Variants in SCOC observed in about 807,000 individuals in gnomAD.
SCOC encodes the protein short coiled coil protein.
A neutral mutation model predicts 9.9 loss-of-function variants in SCOC; 7 were observed. That is an observed-to-expected ratio of 0.71 (90% CI 0.40 to 1.33). The LOEUF is 1.33. Ranked by LOEUF, SCOC falls within the 40% of genes most tolerant of loss-of-function variation. The pLI is 0.01. For missense variants in SCOC, 66 were observed against 89.7 expected (o/e 0.74, Z 1.07); for synonymous variants, 19 against 28.2 (o/e 0.67, Z 1.03).
intron 2 of SCOC, chr4:140,366,980 T>C (rs1727830645): frequency 4.5e-6 from 2 of 441,394 alleles, no homozygotes; most frequent in Non-Finnish European, 8.4e-6. Flanking sequence ...CCCAGGTGGG[T>C]GGATCGCTTG....
chr4:140,379,965 T>C (rs1484913290), intron 3 of SCOC, among the ~76,000 whole-genome samples: 1 of 152,186 alleles, frequency 6.6e-6, no homozygotes, highest in African/African-American at 2.4e-5. Flanking sequence ...GTAAAAACAA[T>C]GTATTAGCCT....
At chr4:140,357,792 T>C (rs1158597838) in intron 2 of SCOC, among the ~76,000 whole-genome samples, 1 of 152,212 alleles carries the variant, frequency 6.6e-6, no homozygotes, top group Non-Finnish European at 1.5e-5. Flanking sequence ...TAACCCATCG[T>C]AGTTGGTATT....
rs1324302314 is a variant in SCOC at position 140,382,193 on chromosome 4, C to T, written c.*1089C>T. On this transcript the variant is annotated 3_prime_UTR_variant, in exon 4 of 4. Transcript: ENST00000608372. ...TTATCTTGCTCAGTATTTTATCTCA[C>T]TTGTTCTAGAATTTTCTGTAAACCC... 1.3e-5 allele frequency: 2 copies of T among 152,118 alleles called. No individual in the cohort carries two copies. The highest frequency in any genetic ancestry group is 2.4e-5 in the African/African-American group (1 of 41,436). 9.4% of individuals were successfully genotyped at this position (152,118 alleles called of 1,614,324 possible).
intron 1 of SCOC, among the ~76,000 whole-genome samples, chr4:140,278,569 G>T (rs560946159): frequency 6.6e-6 from 1 of 152,184 alleles, no homozygotes; most frequent in Non-Finnish European, 1.5e-5. Context: ...AAAGTGCTGG[G>T]ATTACAGGTG....
chr4:140,291,580 G>T, intron 1 of SCOC: 2 of 451,412 alleles, frequency 4.4e-6, no homozygotes, highest in South Asian at 3.1e-5. Context: ...GAACAAAAAA[G>T]AATTATAATC....
intron 1 of SCOC, among the ~76,000 whole-genome samples, chr4:140,294,823 T>G (rs1731576974): frequency 6.6e-6 from 1 of 152,230 alleles, no homozygotes; most frequent in Non-Finnish European, 1.5e-5. Flanking sequence ...CCCTTTCTGC[T>G]GACCTGGAAA....
At chr4:140,291,476 A>G (rs1731469674) in intron 1 of SCOC, 1 of 457,216 alleles carries the variant, frequency 2.2e-6, no homozygotes, top group African/African-American at 2.0e-5. Context: ...TCATCATTGT[A>G]ATGGATCCAT....
upstream of SCOC, among the ~76,000 whole-genome samples, chr4:140,338,485 A>G (rs1233921949): frequency 1.3e-5 from 2 of 152,368 alleles, no homozygotes; most frequent in East Asian, 1.9e-4. Context: ...AGGGTATTCA[A>G]TCAGGAAAAG....
intron 2 of SCOC, among the ~76,000 whole-genome samples, chr4:140,352,319 T>G (rs903511591): frequency 6.6e-6 from 1 of 152,232 alleles, no homozygotes. Flanking sequence ...CAAATCTTAA[T>G]TGGCATTTGG....
At chr4:140,322,883 C>T (rs373724123) in intron 1 of SCOC, among the ~76,000 whole-genome samples, 1 of 151,954 alleles carries the variant, frequency 6.6e-6, no homozygotes, top group Non-Finnish European at 1.5e-5. Context: ...AGAGAATGGC[C>T]CCGAAGGCAT....
chr4:140,287,711 G>A (rs1356149432), intron 1 of SCOC, among the ~76,000 whole-genome samples: 1 of 151,820 alleles, frequency 6.6e-6, no homozygotes, highest in Non-Finnish European at 1.5e-5. Flanking sequence ...ATGGACACAC[G>A]TGCATATCAC....
At chr4:140,369,029 T>C (rs572742595), upstream of SCOC, among the ~76,000 whole-genome samples, 1 of 152,306 alleles carries the variant, frequency 6.6e-6, no homozygotes, top group Non-Finnish European at 1.5e-5. Context: ...CATAAAGACC[T>C]TGAAATCCTT....
intron 1 of SCOC, chr4:140,374,090 C>T: frequency 2.1e-6 from 1 of 477,826 alleles, no homozygotes. Context: ...TGGGACCTGG[C>T]ACGCCTGGAC....
chr4:140,373,882 C>T (rs1280584132), intron 1 of SCOC, 165 bp downstream of exon 1: 13 of 781,288 alleles, frequency 1.7e-5, no homozygotes, highest in Non-Finnish European at 2.6e-5. Flanking sequence ...CGGCGGAGGC[C>T]TGGCTCCCGG....
At chr4:140,374,581 C>G (rs358306) in intron 1 of SCOC, among the ~76,000 whole-genome samples, 5,856 of 152,270 alleles carry the variant, frequency 0.038, 144 homozygotes, top group South Asian at 0.094. Flanking sequence ...CAAGTCAAAG[C>G]AGAACTTGAA....
At position 140,381,184 on chromosome 4, in the gene SCOC, G is replaced by C; in HGVS notation, c.*80G>C. 1 of 1,355,390 alleles carries C rather than the reference G, an allele frequency of 7.4e-7. No homozygotes were observed. The highest frequency in any genetic ancestry group is 1.0e-6 in the Non-Finnish European group (1 of 994,830). 84.0% of individuals were successfully genotyped at this position (1,355,390 alleles called of 1,614,324 possible). A position where few individuals can be genotyped will look rare whatever the true frequency, so the allele number is the denominator to read the frequency against. ...ACTTGGATAGATTCCAAAAGTTACA[G>C]TACCTTTGTGGCTTCATTGAATATT... On this transcript the variant is annotated 3_prime_UTR_variant, in exon 4 of 4. Coordinates refer to ENST00000608372, the MANE Select transcript of SCOC (RefSeq NM_001153484.2).
intron 1 of SCOC, among the ~76,000 whole-genome samples, chr4:140,336,458 T>C (rs1033246998): frequency 6.6e-6 from 1 of 152,174 alleles, no homozygotes; most frequent in African/African-American, 2.4e-5. Flanking sequence ...AGATATATCA[T>C]GTAAAAGGGA....
chr4:140,319,219 G>A (rs552270883), intron 1 of SCOC, among the ~76,000 whole-genome samples: 5 of 152,164 alleles, frequency 3.3e-5, no homozygotes, highest in Non-Finnish European at 7.4e-5. Flanking sequence ...AGCCTCCTGA[G>A]TAGCTGGGAT....
At chr4:140,288,426 G>T (rs997819728) in intron 1 of SCOC, among the ~76,000 whole-genome samples, 3 of 150,144 alleles carry the variant, frequency 2.0e-5, no homozygotes, top group Non-Finnish European at 4.4e-5. Flanking sequence ...AACACACACA[G>T]GTACACATCA....
Sources: allele counts gnomAD v4.1 joint callset (sites outside exome capture counted in the v4.1 genomes callset), GRCh38; gene constraint gnomAD v4.1.1; transcripts MANE v1.5; gene names NCBI Gene and HGNC (gene_info 2026-07-23, HGNC 2026-07-21).